Variants in MTMR8 observed in about 807,000 individuals in gnomAD.
The protein encoded by MTMR8 is phosphatidylinositol-3,5-bisphosphate 3-phosphatase MTMR8.
In MTMR8, 65 loss-of-function variants were observed where a neutral mutation model predicts 39.3. The ratio of observed to expected loss-of-function variants is 1.65; its 90% confidence interval spans 1.35 to 2.03. The LOEUF (loss-of-function observed/expected upper bound fraction) is 2.03, where lower values mean the gene tolerates loss of function less well. Among genes scored for constraint, MTMR8 ranks in the 30% most tolerant of loss-of-function variants. The probability of loss-of-function intolerance (pLI) is 0.00; values close to 1 mark genes in which losing one functional copy is unlikely to be tolerated. For missense variants in MTMR8, 777 were observed against 538.9 expected (o/e 1.44, Z -4.37); for synonymous variants, 245 against 185.2 (o/e 1.32, Z -2.62).
chrX:64,309,029 A>C (rs1201990523), intron 12 of MTMR8, among the ~76,000 whole-genome samples: 5 of 112,064 alleles, frequency 4.5e-5, no homozygotes, highest in Non-Finnish European at 9.4e-5. Flanking sequence ...AGTAAGTGTT[A>C]AAGTCAGGTA....
At position 64,291,745 on chromosome X, in the gene MTMR8, C is replaced by T. The variant is rs185543951; in HGVS notation, c.1482-20672G>A. Among the ~76,000 whole-genome samples the T allele has an allele frequency of 1.4e-3, 154 of 111,761 alleles. 1 individual carries two copies. Among genetic ancestry groups the T allele is most frequent in the Middle Eastern group, 4.6e-3 (1 of 218 alleles). ...TGCTTGGGACTCAGAATTTGGAACACGTTCGCATAACTTTGGCATGGCATT... is the reference window on the plus strand; with the variant it reads ...TGCTTGGGACTCAGAATTTGGAACATGTTCGCATAACTTTGGCATGGCATT... On this transcript the variant is annotated intron_variant, in intron 12 of 13. Coordinates refer to ENST00000374852, the MANE Select transcript of MTMR8 (RefSeq NM_017677.4).
chrX:64,274,643 G>A (rs1931832811), intron 12 of MTMR8, among the ~76,000 whole-genome samples: 1 of 111,405 alleles, frequency 9.0e-6, no homozygotes, highest in Non-Finnish European at 1.9e-5. Context: ...GTCAAGATAT[G>A]GACTCAACCT....
intron 1 of MTMR8, among the ~76,000 whole-genome samples, chrX:64,390,870 C>T (rs1474097053): frequency 2.7e-5 from 3 of 111,346 alleles, no homozygotes; most frequent in African/African-American, 9.8e-5. Flanking sequence ...GTCACCCAGG[C>T]TGGTCTCAAA....
intron 1 of MTMR8, among the ~76,000 whole-genome samples, chrX:64,392,464 T>G (rs1386831366): frequency 8.9e-6 from 1 of 112,188 alleles, no homozygotes; most frequent in Admixed American, 9.4e-5. Flanking sequence ...CCATTTATAT[T>G]AAGTACAACA....
chrX:64,298,681 T>G (rs1223855136), intron 12 of MTMR8, among the ~76,000 whole-genome samples: 2 of 92,062 alleles, frequency 2.2e-5, no homozygotes, highest in African/African-American at 6.9e-5. Flanking sequence ...ATGCTTCCAG[T>G]TTTTGCCCAT....
At chrX:64,302,008 GCTGT>G (rs1342295139) in intron 12 of MTMR8, among the ~76,000 whole-genome samples, 2 of 112,520 alleles carry the variant, frequency 1.8e-5, no homozygotes, top group Non-Finnish European at 3.8e-5. Context: ...AGAGGTTACT[GCTGT>G]CTTTTTGTTT....
At chrX:64,324,870 CAA>C (rs1017478776) in intron 12 of MTMR8, among the ~76,000 whole-genome samples, 2 of 52,010 alleles carry the variant, frequency 3.8e-5, no homozygotes, top group African/African-American at 1.9e-4. Flanking sequence ...ATCAATGAAA[CAA>C]AGAGTTGTTT....
chrX:64,307,130 G>A (rs1267713858), intron 12 of MTMR8, among the ~76,000 whole-genome samples: 2 of 111,709 alleles, frequency 1.8e-5, no homozygotes, highest in Non-Finnish European at 3.8e-5. Context: ...TTACTATTAC[G>A]TGTTAAGAGT....
At chrX:64,304,907 T>TATATAC (rs1416066091) in intron 12 of MTMR8, 18 of 72,402 alleles carry the variant, frequency 2.5e-4, no homozygotes, top group South Asian at 2.4e-3. Context: ...TATATATATA[T>TATATAC]ACACATACAT....
At chrX:64,366,717 A>G (rs1038486840) in intron 1 of MTMR8, among the ~76,000 whole-genome samples, 2 of 111,688 alleles carry the variant, frequency 1.8e-5, no homozygotes, top group Non-Finnish European at 3.8e-5. Flanking sequence ...AAGAGCAAAC[A>G]CATTCAAAAG....
At chrX:64,349,565 T>C (rs1923431744) in intron 5 of MTMR8, among the ~76,000 whole-genome samples, 2 of 111,086 alleles carry the variant, frequency 1.8e-5, no homozygotes, top group African/African-American at 3.3e-5. Flanking sequence ...TGAAATTATA[T>C]GAAAAGCACT....
intron 12 of MTMR8, among the ~76,000 whole-genome samples, chrX:64,286,895 A>T (rs1921200638): frequency 6.3e-5 from 7 of 111,678 alleles, no homozygotes; most frequent in Admixed American, 4.8e-4. Flanking sequence ...CCCTTTGAAA[A>T]CTGGCAACAG....
At chrX:64,369,448 G>A (rs1424502098) in intron 1 of MTMR8, among the ~76,000 whole-genome samples, 2 of 111,642 alleles carry the variant, frequency 1.8e-5, no homozygotes, top group African/African-American at 6.5e-5. Flanking sequence ...AAACGGCTGA[G>A]TTCATGTCCT....
chrX:64,366,782 CA>C (rs901278800), intron 1 of MTMR8, among the ~76,000 whole-genome samples: 2 of 110,105 alleles, frequency 1.8e-5, no homozygotes, highest in East Asian at 5.7e-4. Flanking sequence ...GAGATAGAGA[CA>C]AAAAAAACTT....
chrX:64,269,695 AT>A (rs1442782305), intron 13 of MTMR8, among the ~76,000 whole-genome samples: 2 of 109,733 alleles, frequency 1.8e-5, no homozygotes, highest in Non-Finnish European at 3.8e-5. Flanking sequence ...AAATGCATAC[AT>A]TTTTCTGAAG....
chrX:64,269,201 A>G (rs1316972535), intron 13 of MTMR8, among the ~76,000 whole-genome samples, 158 bp from the exon 14 acceptor site: 1 of 111,064 alleles, frequency 9.0e-6, no homozygotes, highest in Non-Finnish European at 1.9e-5. Context: ...CCCTCATCAC[A>G]TGTCATAGTA....
chrX:64,374,471 T>C (rs1482865691), intron 1 of MTMR8, among the ~76,000 whole-genome samples: 4 of 111,978 alleles, frequency 3.6e-5, no homozygotes, highest in Non-Finnish European at 5.6e-5. Flanking sequence ...TCAAATGTTA[T>C]AGAATTAAAG....
intron 8 of MTMR8, among the ~76,000 whole-genome samples, chrX:64,339,639 G>T (rs1202619792): frequency 9.0e-6 from 1 of 111,053 alleles, no homozygotes; most frequent in African/African-American, 3.3e-5. Flanking sequence ...ATACTACTGA[G>T]AGAAGAAGCC....
At chrX:64,319,521 GT>G (rs1418514067) in intron 12 of MTMR8, among the ~76,000 whole-genome samples, 2 of 111,912 alleles carry the variant, frequency 1.8e-5, no homozygotes, top group African/African-American at 6.5e-5. Context: ...TTCTTCTAGG[GT>G]TTTTATGGTT....
Sources: gnomAD v4.1 joint callset for allele counts (sites outside exome capture counted in the v4.1 genomes callset) on GRCh38, gnomAD v4.1.1 for gene constraint, MANE v1.5 for transcripts, NCBI Gene and HGNC (gene_info 2026-07-23, HGNC 2026-07-21) for gene names.